DENND4B: variants seen among roughly 807,000 people sequenced by gnomAD.
DENND4B encodes the protein DENN domain-containing protein 4B.
A neutral mutation model predicts 161.0 loss-of-function variants in DENND4B; 67 were observed. That is an observed-to-expected ratio of 0.42 (90% CI 0.34 to 0.51). The LOEUF is 0.51. DENND4B is among the 20% of genes least tolerant of loss of function. The pLI is 0.08. For synonymous variants in DENND4B, 753 were observed against 813.8 expected, an observed-to-expected ratio of 0.93 and a Z score of 1.27; for missense variants, 1,481 against 1,968.0, an observed-to-expected ratio of 0.75 and a Z score of 4.68.
rs1440071618 is a variant in DENND4B at position 153,934,681 on chromosome 1, C to T, written c.2773+79G>A. 6.5e-6 allele frequency: 10 copies of T among 1,528,326 alleles called. No individual in the cohort carries two copies. The highest frequency in any genetic ancestry group is 7.9e-6 in the Non-Finnish European group (9 of 1,137,190). 94.7% of individuals were successfully genotyped at this position (1,528,326 alleles called of 1,614,324 possible). A position where few individuals can be genotyped will look rare whatever the true frequency, so the allele number is the denominator to read the frequency against. On this transcript the variant is annotated intron_variant, in intron 18 of 27. Transcript: ENST00000361217. The surrounding 1 kb of genome is among the most constrained non-coding windows in gnomAD (Gnocchi z 5.3). Reference sequence around the variant, plus strand: ...AGAAACCCAATGCCAACCATTAGACCAGCCCCAACTCTCTATGCCTTTCCC... The same window carrying T: ...AGAAACCCAATGCCAACCATTAGACTAGCCCCAACTCTCTATGCCTTTCCC...
Position 153,936,333 on chromosome 1 carries a change from C to T in DENND4B, c.2440-145G>A. Reference sequence around the variant, plus strand: ...CTGGGGCTACCTCAGAGCCACCCACCCTTTCTGCTGACCCTGCCACCCTAC... The same window carrying T: ...CTGGGGCTACCTCAGAGCCACCCACTCTTTCTGCTGACCCTGCCACCCTAC... On this transcript the variant is annotated intron_variant, in intron 16 of 27. Coordinates refer to ENST00000361217, the MANE Select transcript of DENND4B (RefSeq NM_014856.3). The surrounding 1 kb of genome is among the most constrained non-coding windows in gnomAD (Gnocchi z 4.1). 1 of 1,296,002 alleles carries T rather than the reference C, an allele frequency of 7.7e-7. No homozygotes were observed. The highest frequency in any genetic ancestry group is 1.1e-6 in the Non-Finnish European group (1 of 946,450). The allele number at this position is 1,296,002 out of a possible 1,614,324, so 80.3% of individuals were successfully genotyped here.
At position 153,933,898 on chromosome 1, in the gene DENND4B, G is replaced by T. The variant is rs765662413; in HGVS notation, c.2942-27C>A. ...TGCAGCACAGAAAAGAATGAGGGAA[G>T]ATGGACCCCAGCCTCTGCACCAACT... is the stretch of plus-strand genomic sequence containing the variant. On this transcript the variant is annotated intron_variant, in intron 19 of 27. Coordinates refer to ENST00000361217, the MANE Select transcript of DENND4B (RefSeq NM_014856.3). This position sits in a 1 kb window ranked among gnomAD's most constrained non-coding sequence, Gnocchi z 5.7. 6.3e-7 allele frequency: 1 copy of T among 1,595,410 alleles called. No homozygotes were observed. The highest frequency in any genetic ancestry group is 1.9e-5 in the Admixed American group (1 of 53,170).
Position 153,932,726 on chromosome 1 carries a change from G to A in DENND4B, c.3675C>T (p.Val1225=), listed in dbSNP as rs1679032920. The A allele has an allele frequency of 5.6e-6, 9 of 1,614,044 alleles. No individual in the cohort carries two copies. Among genetic ancestry groups the A allele is most frequent in the South Asian group, 2.2e-5 (2 of 91,086 alleles). Residue 1225 remains valine (V), a synonymous_variant, in exon 23 of 28, where the codon GTC becomes GTT. Coordinates refer to ENST00000361217, the MANE Select transcript of DENND4B (RefSeq NM_014856.3). The surrounding 1 kb of genome is among the most constrained non-coding windows in gnomAD (Gnocchi z 5.8). ...TGAGCACAGGGCCAGGACCACCAGG[G>A]ACAGGAGCATCTTTGCTGCCACTGG... ...AGASGSKDAP[V]PGGPGPVLSD... is the part of the protein sequence containing the mutation.
chr1:153,936,767 A>G lies in DENND4B; in HGVS notation c.2233-19T>C, dbSNP rs375557233. 6.4e-7 allele frequency: 1 copy of G among 1,550,830 alleles called. No individual in the cohort carries two copies. Among genetic ancestry groups the G allele is most frequent in the African/African-American group, 1.4e-5 (1 of 73,338 alleles). ...TCATCTCCTAGGTAGGACAGGGGAC[A>G]CATCAGGGTGAGTACAATGCCAGGT... is the stretch of plus-strand genomic sequence containing the variant. On this transcript the variant is annotated intron_variant, in intron 15 of 27. Transcript: ENST00000361217. The surrounding 1 kb of genome is among the most constrained non-coding windows in gnomAD (Gnocchi z 4.1).
Position 153,944,405 on chromosome 1 carries a change from G to C in DENND4B, c.-23-8C>G. The stretch of plus-strand genomic sequence containing the variant: ...CCCCCTCACTCACTGCATCTGGAAT[G>C]GTCAAGTGGGAGAGAGATGAAGCAA... On this transcript the variant is annotated splice_polypyrimidine_tract_variant and splice_region_variant and intron_variant, in intron 1 of 27. Coordinates refer to ENST00000361217, the MANE Select transcript of DENND4B (RefSeq NM_014856.3). This position sits in a 1 kb window ranked among gnomAD's most constrained non-coding sequence, Gnocchi z 4.8. 6.4e-7 allele frequency: 1 copy of C among 1,573,268 alleles called. No homozygotes were observed. Among genetic ancestry groups the C allele is most frequent in the Non-Finnish European group, 8.6e-7 (1 of 1,160,280 alleles).
In DENND4B at chr1:153,930,038, G is replaced by T; in HGVS notation, c.*259C>A. ...GAGGGGAGTTCCCGGTATAGGACAA[G>T]GGAAGAACAGAGCTGTACCAACTCC... On this transcript the variant is annotated 3_prime_UTR_variant, in exon 28 of 28. Coordinates refer to ENST00000361217, the MANE Select transcript of DENND4B (RefSeq NM_014856.3). The surrounding 1 kb of genome is among the most constrained non-coding windows in gnomAD (Gnocchi z 4.7). The T allele has an allele frequency of 1.9e-6, 1 of 527,138 alleles. No homozygotes were observed. Among genetic ancestry groups the T allele is most frequent in the Non-Finnish European group, 3.4e-6 (1 of 295,920 alleles). The allele number at this position is 527,138 out of a possible 1,614,324, so 32.7% of individuals were successfully genotyped here.
chr1:153,946,655 G>A lies in DENND4B; in HGVS notation c.-378C>T. On this transcript the variant is annotated 5_prime_UTR_variant, in exon 1 of 28. Transcript: ENST00000361217. The surrounding 1 kb of genome is among the most constrained non-coding windows in gnomAD (Gnocchi z 6.3). ...ACTCCCCCAACCCCCGCTCCGGGCC[G>A]CGGGCGCCGCCGCTACCCCCACCCC... The A allele has an allele frequency of 2.6e-6, 1 of 377,994 alleles. No individual in the cohort carries two copies. The highest frequency in any genetic ancestry group is 1.4e-4 in the South Asian group (1 of 7,184). 23.4% of individuals were successfully genotyped at this position (377,994 alleles called of 1,614,324 possible).
upstream of DENND4B, among the ~76,000 whole-genome samples, chr1:153,946,892 T>C (rs1680008202): frequency 6.6e-6 from 1 of 152,132 alleles, no homozygotes; most frequent in African/African-American, 2.4e-5. This position sits in a 1 kb window ranked among gnomAD's most constrained non-coding sequence, Gnocchi z 6.3. Context: ...GCAAGCATGA[T>C]GTGGGCGCAG....
At position 153,940,852 on chromosome 1, in the gene DENND4B, C is replaced by A; in HGVS notation, c.1326+52G>T. 6.5e-7 allele frequency: 1 copy of A among 1,526,986 alleles called. No homozygotes were observed. Among genetic ancestry groups the A allele is most frequent in the Admixed American group, 2.2e-5 (1 of 44,576 alleles). 94.6% of individuals were successfully genotyped at this position (1,526,986 alleles called of 1,614,324 possible). On this transcript the variant is annotated intron_variant, in intron 9 of 27. Transcript: ENST00000361217. This position sits in a 1 kb window ranked among gnomAD's most constrained non-coding sequence, Gnocchi z 5.6. ...AAGAGTCCAGGCAGGGATAGGGGCACCAGAAAGAACCATGGTTCTGGGGAA... is the reference window on the plus strand; with the variant it reads ...AAGAGTCCAGGCAGGGATAGGGGCAACAGAAAGAACCATGGTTCTGGGGAA...
Position 153,930,118 on chromosome 1 carries a change from G to A in DENND4B, c.*179C>T, listed in dbSNP as rs193197336. ...CAAACTGGGTAGGTTGGTGATGGGG[G>A]AATCAGGACTTTTGGTAACAGTGGA... On this transcript the variant is annotated 3_prime_UTR_variant, in exon 28 of 28. Transcript: ENST00000361217. This position sits in a 1 kb window ranked among gnomAD's most constrained non-coding sequence, Gnocchi z 4.7. 1.2e-4 allele frequency: 101 copies of A among 833,878 alleles called. No homozygotes were observed. In the African/African-American group the frequency reaches 1.4e-3, roughly 12 times the overall value. 51.7% of individuals were successfully genotyped at this position (833,878 alleles called of 1,614,324 possible).
chr1:153,943,191 C>T (rs906489968), intron 2 of DENND4B, 61 bp from the exon 3 acceptor site: 3 of 1,549,708 alleles, frequency 1.9e-6, no homozygotes, highest in Non-Finnish European at 2.6e-6. Context: ...AGACCCAATC[C>T]TGCCAGATCT....
Position 153,930,330 on chromosome 1 carries a change from G to T in DENND4B, c.4458C>A (p.Cys1486Ter), listed in dbSNP as rs1678829510. ...AQMPTPKAID[C>*]RKCFGAPPEC ...CTGGAGGTGCTCCAAAACATTTTCG[G>T]CAGTCAATGGCCTTGGGAGTGGGCA... is the stretch of plus-strand genomic sequence containing the variant. The change falls in exon 28 of 28, where the codon TGC becomes TGA. Residue 1486 changes from cysteine to a stop codon, truncating the protein, a stop_gained. Transcript: ENST00000361217. LOFTEE classifies it high-confidence loss of function. The surrounding 1 kb of genome is among the most constrained non-coding windows in gnomAD (Gnocchi z 4.7). 6.2e-7 allele frequency: 1 copy of T among 1,613,818 alleles called. No homozygotes were observed.
At position 153,942,807 on chromosome 1, in the gene DENND4B, C is replaced by T. The variant is rs1210189500; in HGVS notation, c.570+71G>A. ...TGGTCAGAGCCTTGGTCCTGGGATG[C>T]CCTTTGTTCCCAGTGTCCACACCCA... On this transcript the variant is annotated intron_variant, in intron 3 of 27. Transcript: ENST00000361217. This position sits in a 1 kb window ranked among gnomAD's most constrained non-coding sequence, Gnocchi z 6.9. 1.2e-5 allele frequency: 18 copies of T among 1,527,342 alleles called. No individual in the cohort carries two copies. Among genetic ancestry groups the T allele is most frequent in the Non-Finnish European group, 1.8e-6 (2 of 1,134,860 alleles). 94.6% of individuals were successfully genotyped at this position (1,527,342 alleles called of 1,614,324 possible).
rs1679959489 is a variant in DENND4B, at chr1:153,946,235, C to T, written c.-24+66G>A. The T allele has an allele frequency of 3.6e-5, 12 of 329,462 alleles. No individual in the cohort carries two copies. The East Asian group carries it at 5.7e-4, about 16-fold the overall frequency. The allele number at this position is 329,462 out of a possible 1,614,324, so 20.4% of individuals were successfully genotyped here. A position where few individuals can be genotyped will look rare whatever the true frequency, so the allele number is the denominator to read the frequency against. On this transcript the variant is annotated intron_variant, in intron 1 of 27. Coordinates refer to ENST00000361217, the MANE Select transcript of DENND4B (RefSeq NM_014856.3). This position sits in a 1 kb window ranked among gnomAD's most constrained non-coding sequence, Gnocchi z 6.3. Reference sequence around the variant, plus strand: ...CAGCTGGGGGCCATCCCCCACCCCGCCTGCCGCCCGCGCTCCCTCCTGCCC... The same window carrying T: ...CAGCTGGGGGCCATCCCCCACCCCGTCTGCCGCCCGCGCTCCCTCCTGCCC...
intron 1 of DENND4B, among the ~76,000 whole-genome samples, chr1:153,945,808 AC>A (rs1679929810): frequency 1.3e-5 from 2 of 152,316 alleles, no homozygotes; most frequent in Non-Finnish European, 2.9e-5. Flanking sequence ...GGACCTGCGC[AC>A]CGGGGCCTCC....
intron 12 of DENND4B, among the ~76,000 whole-genome samples, chr1:153,939,319 G>A (rs1030662532): frequency 2.6e-5 from 4 of 152,000 alleles, no homozygotes; most frequent in South Asian, 4.1e-4. Flanking sequence ...AGCTTTGCCC[G>A]TGGGGGCTGC....
intron 1 of DENND4B, among the ~76,000 whole-genome samples, chr1:153,945,562 ACACACACACACACG>A (rs919769363): frequency 1.3e-4 from 19 of 151,768 alleles, no homozygotes; most frequent in East Asian, 3.9e-4. Context: ...GGACACACAC[ACACACACACACACG>A]CACACACACA....
chr1:153,943,077 G>C lies in DENND4B; in HGVS notation c.371C>G (p.Thr124Arg), dbSNP rs200665404. The C allele has an allele frequency of 3.1e-6, 5 of 1,613,984 alleles. No homozygotes were observed. Among genetic ancestry groups the C allele is most frequent in the Admixed American group, 1.7e-5 (1 of 60,012 alleles). ...RPKPGFQVLD[T>R]TPYSHSANLA... is the part of the protein sequence containing the mutation. ...GTTTGCTGAGTGGCTGTAGGGTGTCGTGTCAAGCACTTGGAAGCCAGGCTT... is the reference window on the plus strand; with the variant it reads ...GTTTGCTGAGTGGCTGTAGGGTGTCCTGTCAAGCACTTGGAAGCCAGGCTT... The change falls in exon 3 of 28, where the codon ACG becomes AGG. Residue 124 changes from threonine to arginine, a missense_variant. By Grantham distance (71) the Thr-to-Arg change is moderately conservative (BLOSUM62 -1). Coordinates refer to ENST00000361217, the MANE Select transcript of DENND4B (RefSeq NM_014856.3).
Position 153,946,144 on chromosome 1 carries a change from G to C in DENND4B, c.-24+157C>G, listed in dbSNP as rs1679954009. ...GCACGGCGAGCTAATTGCGGGAGGT[G>C]CCCTCCCCTCCACTTTCACTTCCCC... On this transcript the variant is annotated intron_variant, in intron 1 of 27. Coordinates refer to ENST00000361217, the MANE Select transcript of DENND4B (RefSeq NM_014856.3). The surrounding 1 kb of genome is among the most constrained non-coding windows in gnomAD (Gnocchi z 6.3). 6.6e-6 allele frequency among the ~76,000 whole-genome samples: 1 copy of C among 152,148 alleles called. No individual in the cohort carries two copies. The highest frequency in any genetic ancestry group is 6.5e-5 in the Admixed American group (1 of 15,284).
Sources: gnomAD v4.1 joint callset for allele counts (sites outside exome capture counted in the v4.1 genomes callset) on GRCh38, gnomAD v4.1.1 for gene constraint, Gnocchi (gnomAD v3.1) non-coding constraint, MANE v1.5 for transcripts, NCBI Gene and HGNC (gene_info 2026-07-23, HGNC 2026-07-21) for gene names.